Variants in AGBL4 observed in about 807,000 individuals in gnomAD.
AGBL4 encodes AGBL carboxypeptidase 4.
In AGBL4, 58 loss-of-function variants were observed where a neutral mutation model predicts 66.4. The ratio of observed to expected loss-of-function variants is 0.87; its 90% CI spans 0.71 to 1.09. The LOEUF (loss-of-function observed/expected upper bound fraction) is 1.09, where lower values mean the gene tolerates loss of function less well. AGBL4 is among the 50% of genes least tolerant of loss of function. The pLI, the probability that AGBL4 is intolerant of heterozygous loss-of-function variation, is 0.00. For synonymous variants in AGBL4, 234 were observed against 222.9 expected, an observed-to-expected ratio of 1.05 and a Z score of -0.44; for missense variants, 579 against 631.0, an observed-to-expected ratio of 0.92 and a Z score of 0.88.
intron 7 of AGBL4, among the ~76,000 whole-genome samples, chr1:48,656,952 G>A (rs969397130): frequency 6.6e-6 from 1 of 152,166 alleles, no homozygotes; most frequent in Non-Finnish European, 1.5e-5. Context: ...GCCTGCCCAT[G>A]TATTCCCTGA....
At chr1:48,916,664 A>C (rs1263057900) in intron 5 of AGBL4, among the ~76,000 whole-genome samples, 3 of 152,236 alleles carry the variant, frequency 2.0e-5, no homozygotes, top group Admixed American at 2.0e-4. Flanking sequence ...CTGTGCACTC[A>C]GAATCTTGAA....
At chr1:49,182,611 C>A (rs1053959907) in intron 4 of AGBL4, among the ~76,000 whole-genome samples, 1 of 151,908 alleles carries the variant, frequency 6.6e-6, no homozygotes, top group Non-Finnish European at 1.5e-5. Flanking sequence ...AACTGTGAAA[C>A]ATTAGAAAGA....
intron 3 of AGBL4, among the ~76,000 whole-genome samples, chr1:49,681,166 A>C (rs1376539384): frequency 6.6e-6 from 1 of 151,304 alleles, no homozygotes; most frequent in Non-Finnish European, 1.5e-5. Flanking sequence ...TGCTTTAAAA[A>C]CCTCAGCAGA....
intron 1 of AGBL4, among the ~76,000 whole-genome samples, chr1:49,963,202 A>C (rs1464257039): frequency 6.6e-6 from 1 of 152,210 alleles, no homozygotes; most frequent in East Asian, 1.9e-4. Context: ...AAAATGTAAA[A>C]TACAGAGAAG....
At chr1:49,612,465 A>G (rs901561015) in intron 3 of AGBL4, among the ~76,000 whole-genome samples, 3 of 152,336 alleles carry the variant, frequency 2.0e-5, no homozygotes, top group African/African-American at 7.2e-5. Context: ...TAAATCTGAC[A>G]AAGATTTTAA....
intron 4 of AGBL4, among the ~76,000 whole-genome samples, chr1:49,068,095 C>A (rs774378657): frequency 6.6e-6 from 1 of 152,010 alleles, no homozygotes; most frequent in African/African-American, 2.4e-5. Flanking sequence ...TAGAACCTTG[C>A]GTTTGTAGGC....
intron 1 of AGBL4, among the ~76,000 whole-genome samples, chr1:49,930,205 A>G (rs1653192837): frequency 6.6e-6 from 1 of 152,152 alleles, no homozygotes; most frequent in African/African-American, 2.4e-5. Context: ...AATAAATTTG[A>G]CAAATTAGGT....
chr1:48,883,481 A>G (rs1570916475), intron 5 of AGBL4, among the ~76,000 whole-genome samples: 2 of 152,210 alleles, frequency 1.3e-5, no homozygotes, highest in East Asian at 3.8e-4. Context: ...CAAAATTATC[A>G]GATGATACAA....
chr1:49,644,314 A>G (rs920692640), intron 3 of AGBL4, among the ~76,000 whole-genome samples: 5 of 151,586 alleles, frequency 3.3e-5, no homozygotes, highest in African/African-American at 1.2e-4. Context: ...AAATAATTAT[A>G]AAAAAATGCA....
intron 5 of AGBL4, among the ~76,000 whole-genome samples, chr1:49,044,958 TG>T: frequency 6.6e-6 from 1 of 152,342 alleles, no homozygotes; most frequent in Non-Finnish European, 1.5e-5. Context: ...AATTTTGTGT[TG>T]TTTTGTACTA....
rs185487110 is a variant in AGBL4, at chr1:48,749,274, G to A, written c.635-86033C>T. Among the ~76,000 whole-genome samples, 5 of 152,114 alleles carry A rather than the reference G, an allele frequency of 3.3e-5. No individual in the cohort carries two copies. In the East Asian group the frequency reaches 7.7e-4, roughly 24 times the overall value. On this transcript the variant is annotated intron_variant, in intron 6 of 13. Transcript: ENST00000371839. ...GTAGCATTTTTCAGCCCACTGTCAC[G>A]TGATTGTTTGTTTAACAGCTCCCTG... is the stretch of plus-strand genomic sequence containing the variant.
At chr1:48,582,306 C>A (rs1000642666) in intron 11 of AGBL4, among the ~76,000 whole-genome samples, 9 of 152,016 alleles carry the variant, frequency 5.9e-5, no homozygotes, top group Non-Finnish European at 2.9e-5. Context: ...ATTATTGATC[C>A]AATTAATCTA....
chr1:49,853,748 A>T (rs1476734566), intron 1 of AGBL4, among the ~76,000 whole-genome samples: 6 of 152,132 alleles, frequency 3.9e-5, no homozygotes, highest in African/African-American at 1.4e-4. Flanking sequence ...TTTGAAATAT[A>T]TAAACTGTGC....
At chr1:48,762,838 A>G (rs911338229) in intron 6 of AGBL4, among the ~76,000 whole-genome samples, 11 of 152,118 alleles carry the variant, frequency 7.2e-5, no homozygotes, top group Non-Finnish European at 4.4e-5. Context: ...CAGAGGTAGG[A>G]GTCTAGTATC....
intron 2 of AGBL4, among the ~76,000 whole-genome samples, chr1:49,753,373 C>G (rs905079740): frequency 1.3e-5 from 2 of 152,194 alleles, no homozygotes; most frequent in African/African-American, 4.8e-5. Context: ...AAATTCTTTT[C>G]TTTGAGAATG....
chr1:49,787,502 CAAAAAAA>C (rs201411173), intron 2 of AGBL4, among the ~76,000 whole-genome samples: 1 of 74,464 alleles, frequency 1.3e-5, no homozygotes, highest in Non-Finnish European at 3.0e-5. Context: ...GACTCTGTCT[CAAAAAAA>C]AAAAAAAAAA....
chr1:49,870,558 A>G (rs1482628137), intron 1 of AGBL4, among the ~76,000 whole-genome samples: 2 of 151,132 alleles, frequency 1.3e-5, no homozygotes, highest in Non-Finnish European at 2.9e-5. Flanking sequence ...GCCCCCATAA[A>G]TATATATATC....
chr1:48,591,112 ACAT>A (rs1425861242), intron 9 of AGBL4, 127 bp from the exon 10 acceptor site: 1 of 728,218 alleles, frequency 1.4e-6, no homozygotes. Flanking sequence ...ACACACACAC[ACAT>A]CAAGCTGACC....
intron 3 of AGBL4, among the ~76,000 whole-genome samples, chr1:49,651,569 A>G (rs753993503): frequency 6.6e-6 from 1 of 152,150 alleles, no homozygotes; most frequent in Non-Finnish European, 1.5e-5. Context: ...AGCATTTGAG[A>G]AAGCCACCAC....
Sources: allele counts gnomAD v4.1 joint callset (sites outside exome capture counted in the v4.1 genomes callset), GRCh38; gene constraint gnomAD v4.1.1; transcripts MANE v1.5; gene names NCBI Gene and HGNC (gene_info 2026-07-23, HGNC 2026-07-21).